The following PDE4B variants were observed in gnomAD, a reference collection of about 807,000 sequenced individuals.
PDE4B encodes the protein 3',5'-cyclic-AMP phosphodiesterase 4B.
PDE4B carries 20 observed loss-of-function variants against 82.2 expected under a neutral mutation model. That is an observed-to-expected ratio of 0.24 (90% CI 0.17 to 0.35). The LOEUF (loss-of-function observed/expected upper bound fraction) is 0.35. Among genes scored for constraint, PDE4B ranks in the 10% least tolerant of loss-of-function variants. PDE4B has a pLI of 1.00. For synonymous variants in PDE4B, 320 were observed against 318.9 expected (o/e 1.00, Z -0.04); for missense variants, 655 against 907.2 (o/e 0.72, Z 3.57).
chr1:65,984,075 A>G (rs144798762), intron 3 of PDE4B, among the ~76,000 whole-genome samples: 1 of 152,304 alleles, frequency 6.6e-6, no homozygotes, highest in African/African-American at 2.4e-5. Context: ...AAAACTAGAA[A>G]CAGCCCAATT....
chr1:66,193,415 A>T (rs1428221182), intron 3 of PDE4B, among the ~76,000 whole-genome samples: 1 of 152,156 alleles, frequency 6.6e-6, no homozygotes, highest in Admixed American at 6.6e-5. Context: ...GGTTCACCAT[A>T]TCCCGTTCCT....
intron 1 of PDE4B, among the ~76,000 whole-genome samples, chr1:65,805,684 T>A (rs1645747269): frequency 2.0e-5 from 3 of 152,206 alleles, no homozygotes; most frequent in African/African-American, 7.2e-5. Flanking sequence ...GGTAGAACTT[T>A]TGAAATGTTT....
chr1:66,250,039 T>C (rs1653629602), intron 4 of PDE4B, among the ~76,000 whole-genome samples: 1 of 152,246 alleles, frequency 6.6e-6, no homozygotes, highest in Admixed American at 6.5e-5. Flanking sequence ...TGAATAATAT[T>C]AAGCTTCTTC....
intron 3 of PDE4B, among the ~76,000 whole-genome samples, chr1:66,100,988 C>A (rs566221913): frequency 2.6e-5 from 4 of 152,218 alleles, no homozygotes; most frequent in East Asian, 3.9e-4. Context: ...ATCCTCCCCC[C>A]ACCCCACAAC....
chr1:66,163,066 C>G (rs1646649422), intron 3 of PDE4B, among the ~76,000 whole-genome samples: 1 of 152,160 alleles, frequency 6.6e-6, no homozygotes, highest in Non-Finnish European at 1.5e-5. Context: ...ATGTTTCTTA[C>G]TGTAAGAGAT....
intron 3 of PDE4B, among the ~76,000 whole-genome samples, chr1:66,055,582 A>G (rs1442777314): frequency 6.6e-6 from 1 of 152,038 alleles, no homozygotes; most frequent in African/African-American, 2.4e-5. Flanking sequence ...GTAGGTCAGG[A>G]ATAAGAAATT....
At chr1:66,233,887 C>T (rs1652192706) in intron 3 of PDE4B, among the ~76,000 whole-genome samples, 1 of 152,100 alleles carries the variant, frequency 6.6e-6, no homozygotes, top group Non-Finnish European at 1.5e-5. Flanking sequence ...CATAAGGTGT[C>T]ATCCTCTTCA....
intron 1 of PDE4B, among the ~76,000 whole-genome samples, chr1:65,881,557 A>G (rs945920597): frequency 6.6e-6 from 1 of 152,114 alleles, no homozygotes; most frequent in Admixed American, 6.6e-5. Context: ...ATTTACAAAC[A>G]CCATTTCTTT....
chr1:65,986,008 C>T (rs1419169473), intron 3 of PDE4B, among the ~76,000 whole-genome samples: 1 of 152,080 alleles, frequency 6.6e-6, no homozygotes, highest in Non-Finnish European at 1.5e-5. Context: ...AGATAAACTG[C>T]TGTGATTTAA....
At position 66,372,457 on chromosome 1, in the gene PDE4B, C is replaced by T. The variant is rs2050817937; in HGVS notation, c.1990C>T (p.Leu664=). ...SMIPQSPSPP[L]DEQNRDCQGL... Reference sequence around the variant, plus strand: ...GATACCTCAAAGTCCCTCACCACCACTGGACGAGCAGAACAGGGACTGCCA... The same window carrying T: ...GATACCTCAAAGTCCCTCACCACCATTGGACGAGCAGAACAGGGACTGCCA... The change falls in exon 17 of 17, where the codon CTG becomes TTG. Residue 664 remains leucine (L), a synonymous_variant. Transcript: ENST00000341517. 1.2e-6 allele frequency: 2 copies of T among 1,614,116 alleles called. No homozygotes were observed. Among genetic ancestry groups the T allele is most frequent in the Middle Eastern group, 1.6e-4 (1 of 6,062 alleles).
Position 66,261,100 on chromosome 1 carries a change from G to A in PDE4B, c.584+3237G>A, listed in dbSNP as rs541371025. On this transcript the variant is annotated intron_variant, in intron 6 of 16. Transcript: ENST00000341517. ...TTCACCAAAGGGAGTTGAGAGTGGT[G>A]CAGTCTAGCTCAGACTCAGTCCTGA... 2.1e-3 allele frequency among the ~76,000 whole-genome samples: 318 copies of A among 152,296 alleles called. 1 individual carries two copies. Among genetic ancestry groups the A allele is most frequent in the Non-Finnish European group, 2.6e-3 (180 of 68,024 alleles).
At chr1:66,191,710 A>G (rs1647822827) in intron 3 of PDE4B, among the ~76,000 whole-genome samples, 1 of 152,176 alleles carries the variant, frequency 6.6e-6, no homozygotes, top group Non-Finnish European at 1.5e-5. Context: ...GCTGATAAAG[A>G]CATACCCGAG....
chr1:66,247,373 T>C (rs998459618), intron 3 of PDE4B, 87 bp from the exon 4 acceptor site: 6 of 817,232 alleles, frequency 7.3e-6, no homozygotes, highest in African/African-American at 6.9e-5. Context: ...TAGTGTATAG[T>C]ACCTGCCACA....
chr1:66,085,193 A>G (rs1656943787), intron 3 of PDE4B, among the ~76,000 whole-genome samples: 2 of 152,184 alleles, frequency 1.3e-5, no homozygotes. Context: ...CTTTGCAGGC[A>G]GCTGCGGGTT....
intron 3 of PDE4B, among the ~76,000 whole-genome samples, chr1:66,199,158 T>C (rs1648632255): frequency 6.6e-6 from 1 of 151,864 alleles, no homozygotes; most frequent in Non-Finnish European, 1.5e-5. Flanking sequence ...ATGGTATTTC[T>C]AGTTCTAGAT....
At chr1:65,886,404 GCT>G (rs1297001297) in intron 1 of PDE4B, among the ~76,000 whole-genome samples, 1 of 151,984 alleles carries the variant, frequency 6.6e-6, no homozygotes, top group Non-Finnish European at 1.5e-5. Flanking sequence ...CTTTCTTCTA[GCT>G]GTTCTGAAAT....
At chr1:66,319,283 C>G (rs72674135) in intron 7 of PDE4B, among the ~76,000 whole-genome samples, 6,675 of 152,262 alleles carry the variant, frequency 0.044, 226 homozygotes, top group South Asian at 0.16. Flanking sequence ...CACCTTCACT[C>G]TCAACAGCAA....
At chr1:66,332,365 G>A (rs1464495750) in intron 7 of PDE4B, 143 bp from the exon 8 acceptor site, 1 of 1,611,930 alleles carries the variant, frequency 6.2e-7, no homozygotes, top group Non-Finnish European at 8.5e-7. Flanking sequence ...GAGAGAGCTG[G>A]AAGGAAGGAG....
At chr1:66,367,584 G>C (rs61796506) in intron 13 of PDE4B, 112 bp from the exon 14 acceptor site, 57,774 of 811,944 alleles carry the variant, frequency 0.071, 2,525 homozygotes, top group Non-Finnish European at 0.088. Context: ...CATGTAGCTG[G>C]TGGTTCTTGA....
Sources: gnomAD v4.1 joint callset for allele counts (sites outside exome capture counted in the v4.1 genomes callset) on GRCh38, gnomAD v4.1.1 for gene constraint, MANE v1.5 for transcripts, NCBI Gene and HGNC (gene_info 2026-07-23, HGNC 2026-07-21) for gene names.